The following HOMER1 variants were observed in gnomAD, a reference collection of about 807,000 sequenced individuals.
HOMER1 encodes homer protein homolog 1.
Under a neutral mutation model 48.9 loss-of-function variants are expected in HOMER1, and 3 were observed. The observed-to-expected ratio is 0.06, with a 90% CI of 0.03 to 0.16. The LOEUF is 0.16. Ranked by LOEUF, HOMER1 falls within the 10% of genes least tolerant of loss-of-function variation. HOMER1 has a pLI of 1.00. For missense variants in HOMER1, 247 were observed against 411.4 expected, an observed-to-expected ratio of 0.60 and a Z score of 3.46; for synonymous variants, 134 against 146.4, an observed-to-expected ratio of 0.92 and a Z score of 0.61.
At chr5:79,467,221 T>C (rs914644111) in intron 1 of HOMER1, among the ~76,000 whole-genome samples, 14 of 151,734 alleles carry the variant, frequency 9.2e-5, no homozygotes, top group African/African-American at 3.4e-4. Context: ...TGAAACCATG[T>C]CTCTACTAAA....
rs1326701589 is a variant in HOMER1 at position 79,456,951 on chromosome 5, C to G, written c.73G>C (p.Val25Leu). ...QIDPNTKKNW[V>L]PTSKHAVTVS... is the part of the protein sequence containing the mutation. ...GTAACTGCATGCTTGCTGGTGGGTA[C>G]CCAGTTCTTCTTTGTGTTTGGGTCA... The change falls in exon 2 of 9, where the codon GTA becomes CTA. Residue 25 changes from valine to leucine, a missense_variant. Physicochemically the swap from Val to Leu is conservative, Grantham distance 32. Around this residue, in one of 4 missense-constraint regions of HOMER1, gnomAD observed 38 missense variants for 114.9 expected, o/e 0.33. Transcript: ENST00000334082. 6.2e-7 allele frequency: 1 copy of G among 1,613,752 alleles called. No individual in the cohort carries two copies. The highest frequency in any genetic ancestry group is 8.5e-7 in the Non-Finnish European group (1 of 1,179,752).
chr5:79,374,222 G>A lies in HOMER1; in HGVS notation c.*1787C>T, dbSNP rs1416340783. The A allele has an allele frequency of 2.0e-5, 3 of 152,326 alleles. No individual in the cohort carries two copies. Among genetic ancestry groups the A allele is most frequent in the African/African-American group, 7.2e-5 (3 of 41,404 alleles). 9.4% of individuals were successfully genotyped at this position (152,326 alleles called of 1,614,324 possible). A position where few individuals can be genotyped will look rare whatever the true frequency, so the allele number is the denominator to read the frequency against. On this transcript the variant is annotated 3_prime_UTR_variant, in exon 9 of 9. Transcript: ENST00000334082. ...AGAAATATCTCAGCTCTGAGCATGTGTATCTAAATTATTCTCCCTATAATA... is the reference window on the plus strand; with the variant it reads ...AGAAATATCTCAGCTCTGAGCATGTATATCTAAATTATTCTCCCTATAATA...
At chr5:79,430,006 G>C (rs1004547770) in intron 5 of HOMER1, among the ~76,000 whole-genome samples, 3 of 145,392 alleles carry the variant, frequency 2.1e-5, no homozygotes, top group Non-Finnish European at 4.5e-5. Flanking sequence ...CTGGGGGACA[G>C]AGCAAGACTC....
At chr5:79,407,177 CA>C (rs1749685687) in intron 5 of HOMER1, among the ~76,000 whole-genome samples, 1 of 152,062 alleles carries the variant, frequency 6.6e-6, no homozygotes, top group East Asian at 1.9e-4. Flanking sequence ...TTTCAACCCC[CA>C]AATGGACTAA....
intron 2 of HOMER1, among the ~76,000 whole-genome samples, chr5:79,455,246 G>A (rs1224194703): frequency 6.6e-6 from 1 of 152,040 alleles, no homozygotes; most frequent in Non-Finnish European, 1.5e-5. Context: ...CCTGCATGCA[G>A]AAGCTAAATA....
intron 5 of HOMER1, among the ~76,000 whole-genome samples, chr5:79,425,553 C>T (rs1033841110): frequency 6.6e-6 from 1 of 152,026 alleles, no homozygotes; most frequent in African/African-American, 2.4e-5. Flanking sequence ...GGTTGCGAGA[C>T]TTCGAAGATA....
chr5:79,430,199 A>G (rs1289762789), intron 5 of HOMER1, among the ~76,000 whole-genome samples: 2 of 152,222 alleles, frequency 1.3e-5, no homozygotes, highest in African/African-American at 2.4e-5. Flanking sequence ...GTCTAATTAA[A>G]AATGAGCAAA....
chr5:79,500,788 C>A (rs1489611310), intron 1 of HOMER1, among the ~76,000 whole-genome samples: 1 of 151,844 alleles, frequency 6.6e-6, no homozygotes, highest in Admixed American at 6.6e-5. Context: ...CCACACACAG[C>A]TAATTTTTGC....
intron 1 of HOMER1, among the ~76,000 whole-genome samples, chr5:79,511,726 C>T (rs1442005376): frequency 6.6e-6 from 1 of 152,206 alleles, no homozygotes; most frequent in Non-Finnish European, 1.5e-5. Context: ...GCATGTTAAA[C>T]TTCAAATTCT....
chr5:79,491,106 A>T (rs1752262630), intron 1 of HOMER1, among the ~76,000 whole-genome samples: 1 of 119,028 alleles, frequency 8.4e-6, no homozygotes, highest in Non-Finnish European at 1.7e-5. Context: ...AAAAAAAAAA[A>T]AAAAGCTTGT....
chr5:79,395,013 G>C (rs1006037539), intron 8 of HOMER1, among the ~76,000 whole-genome samples: 7 of 152,168 alleles, frequency 4.6e-5, no homozygotes, highest in Non-Finnish European at 1.0e-4. Context: ...TTGACTGTTT[G>C]TTGCTTGAAG....
chr5:79,491,074 GC>G (rs1752259444), intron 1 of HOMER1, among the ~76,000 whole-genome samples: 1 of 22,562 alleles, frequency 4.4e-5, no homozygotes, highest in African/African-American at 1.3e-4. Context: ...TAGTACCAAA[GC>G]AAAAAAAAAA....
chr5:79,480,881 G>A (rs888049891), intron 1 of HOMER1, among the ~76,000 whole-genome samples: 1 of 152,158 alleles, frequency 6.6e-6, no homozygotes, highest in African/African-American at 2.4e-5. Flanking sequence ...ATGGTCTAGT[G>A]GGGAGGGGAG....
intron 5 of HOMER1, among the ~76,000 whole-genome samples, chr5:79,412,912 G>A (rs992792236): frequency 6.6e-6 from 1 of 152,156 alleles, no homozygotes; most frequent in Non-Finnish European, 1.5e-5. Context: ...AGGAGGGACT[G>A]GAAAGGGAGA....
intron 5 of HOMER1, among the ~76,000 whole-genome samples, chr5:79,437,246 A>T (rs1225590986): frequency 6.6e-6 from 1 of 152,242 alleles, no homozygotes; most frequent in East Asian, 1.9e-4. Flanking sequence ...TATTCCACAC[A>T]GATGGCTCAA....
intron 8 of HOMER1, among the ~76,000 whole-genome samples, chr5:79,388,500 C>G (rs1749172403): frequency 6.6e-6 from 1 of 152,106 alleles, no homozygotes; most frequent in Non-Finnish European, 1.5e-5. Flanking sequence ...GATGAATCTT[C>G]CAAAAACCAA....
intron 1 of HOMER1, among the ~76,000 whole-genome samples, chr5:79,501,336 TATAAC>T (rs1449806055): frequency 1.3e-4 from 20 of 152,160 alleles, no homozygotes; most frequent in Non-Finnish European, 2.5e-4. Context: ...ATATAAAACA[TATAAC>T]ATACAAAATA....
At chr5:79,390,478 G>T (rs1209400897) in intron 8 of HOMER1, among the ~76,000 whole-genome samples, 2 of 151,974 alleles carry the variant, frequency 1.3e-5, no homozygotes, top group Non-Finnish European at 2.9e-5. Context: ...AAAGAGCAAA[G>T]AACACATCAT....
At chr5:79,448,895 T>C (rs1750956501) in intron 3 of HOMER1, among the ~76,000 whole-genome samples, 1 of 151,852 alleles carries the variant, frequency 6.6e-6, no homozygotes, top group Non-Finnish European at 1.5e-5. Flanking sequence ...TTTCCCAATA[T>C]TCAACCTACC....
Sources: allele counts gnomAD v4.1 joint callset (sites outside exome capture counted in the v4.1 genomes callset), GRCh38; gene constraint gnomAD v4.1.1; regional missense constraint gnomAD v4.1.1; transcripts MANE v1.5; gene names NCBI Gene and HGNC (gene_info 2026-07-23, HGNC 2026-07-21).